The following GARS1 variants were observed in gnomAD, a reference collection of about 807,000 sequenced individuals.
GARS1 encodes the protein glycine--tRNA ligase.
GARS1 carries 46 observed loss-of-function variants against 86.4 expected under a neutral mutation model. The observed-to-expected ratio is 0.53, with a 90% CI of 0.42 to 0.68. The LOEUF (loss-of-function observed/expected upper bound fraction) is 0.68. GARS1 is among the 30% of genes least tolerant of loss of function. The pLI, the probability that GARS1 is intolerant of heterozygous loss-of-function variation, is 0.00. For synonymous variants in GARS1, 342 were observed against 329.8 expected, an observed-to-expected ratio of 1.04 and a Z score of -0.40; for missense variants, 797 against 915.6, an observed-to-expected ratio of 0.87 and a Z score of 1.67.
chr7:30,612,346 T>A lies in GARS1; in HGVS notation c.1031+101T>A, dbSNP rs1486111688. On this transcript the variant is annotated intron_variant, in intron 8 of 16. Transcript: ENST00000389266. ...AGCAATTCTGCTTCATAATCCTGAT[T>A]ATGAATTTATTTTTGTTTTCTCCAA... is the stretch of plus-strand genomic sequence containing the variant. 2.7e-6 allele frequency: 3 copies of A among 1,107,098 alleles called. No individual in the cohort carries two copies. The East Asian group carries it at 7.1e-5, about 26-fold the overall frequency. The allele number at this position is 1,107,098 out of a possible 1,614,324, so 68.6% of individuals were successfully genotyped here.
chr7:30,628,779 A>G lies in GARS1; in HGVS notation c.1809+110A>G, dbSNP rs372181159. 2.3e-4 allele frequency: 157 copies of G among 686,454 alleles called. 1 individual carries two copies. In the East Asian group the frequency reaches 3.4e-3, roughly 15 times the overall value. 42.5% of individuals were successfully genotyped at this position (686,454 alleles called of 1,614,324 possible). ...CTAGAATGGTCAATTAGTTATTACT[A>G]TAATCTAGTGCTATTAACACTCATC... On this transcript the variant is annotated intron_variant, in intron 14 of 16. Transcript: ENST00000389266.
intron 9 of GARS1, among the ~76,000 whole-genome samples, chr7:30,616,620 A>T (rs941623306): frequency 1.3e-5 from 2 of 152,156 alleles, no homozygotes; most frequent in Non-Finnish European, 2.9e-5. Flanking sequence ...TGCAGAGAAG[A>T]CCTCTGCAGT....
chr7:30,631,423 A>AT (rs1256396905), intron 14 of GARS1, 25 bp from the exon 15 acceptor site: 11 of 1,564,254 alleles, frequency 7.0e-6, no homozygotes, highest in Non-Finnish European at 9.7e-6. Context: ...ACATATTTGG[A>AT]TTTTTTTCTT....
intron 14 of GARS1, 95 bp downstream of exon 14, chr7:30,628,764 C>T: frequency 1.3e-6 from 1 of 762,232 alleles, no homozygotes; most frequent in African/African-American, 1.7e-5. Context: ...CTAGAATGGT[C>T]AATTAGTTAT....
intron 1 of GARS1, among the ~76,000 whole-genome samples, chr7:30,595,463 G>T (rs1182456803): frequency 6.6e-6 from 1 of 152,136 alleles, no homozygotes; most frequent in African/African-American, 2.4e-5. Context: ...TTCCAGTGGG[G>T]CTGGGATCTG....
rs551580608 is a variant in GARS1 at position 30,633,843 on chromosome 7, G to C, written c.2203G>C (p.Glu735Gln). The C allele has an allele frequency of 6.5e-7, 1 of 1,544,088 alleles. No homozygotes were observed. The highest frequency in any genetic ancestry group is 1.4e-5 in the African/African-American group (1 of 72,180). Residue 735 changes from glutamate (E) to glutamine (Q), a missense_variant, in exon 17 of 17, where the codon GAG (glutamate) becomes CAG (glutamine). By Grantham distance (29) the Glu-to-Gln change is conservative (BLOSUM62 2). Around this residue, in one of 2 missense-constraint regions of GARS1, gnomAD observed 598 missense variants for 738.7 expected, o/e 0.81. Coordinates refer to ENST00000389266, the MANE Select transcript of GARS1 (RefSeq NM_002047.4). ...LFEGQETGKK[E>Q]TIEE ...TGAAGGGCAAGAGACTGGTAAAAAA[G>C]AGACAATCGAGGAATGAGGACAATT...
Position 30,633,906 on chromosome 7 carries a change from A to C in GARS1, c.*46A>C, listed in dbSNP as rs755138620. On this transcript the variant is annotated 3_prime_UTR_variant, in exon 17 of 17. Coordinates refer to ENST00000389266, the MANE Select transcript of GARS1 (RefSeq NM_002047.4). The stretch of plus-strand genomic sequence containing the variant: ...GACCACTTGCGCTAATAAAAAAAAA[A>C]AAAAACTACTCTTATGTCCACTTTA... 1.1e-4 allele frequency: 174 copies of C among 1,599,974 alleles called. No homozygotes were observed. The highest frequency in any genetic ancestry group is 1.5e-4 in the Non-Finnish European group (172 of 1,172,402).
At chr7:30,595,718 G>A (rs1281627489) in intron 1 of GARS1, 1 of 469,748 alleles carries the variant, frequency 2.1e-6, no homozygotes. Flanking sequence ...ATGATTGGCT[G>A]AGAAAATAGA....
intron 8 of GARS1, among the ~76,000 whole-genome samples, chr7:30,615,464 C>A (rs1161982588): frequency 1.3e-5 from 2 of 152,054 alleles, no homozygotes; most frequent in Non-Finnish European, 2.9e-5. Context: ...GTGATTTTTG[C>A]GTATGTTTTC....
In GARS1 at chr7:30,609,740, A is replaced by C. The variant is rs1228154869; in HGVS notation, c.881+10A>C. ...GAGGAAACATGCCTGGGTATGTATCACTTATTGTTTACCTGTTTATGTAAT... is the reference window on the plus strand; with the variant it reads ...GAGGAAACATGCCTGGGTATGTATCCCTTATTGTTTACCTGTTTATGTAAT... On this transcript the variant is annotated intron_variant, in intron 7 of 16. Coordinates refer to ENST00000389266, the MANE Select transcript of GARS1 (RefSeq NM_002047.4). The C allele has an allele frequency of 6.2e-7, 1 of 1,612,846 alleles. No homozygotes were observed. Among genetic ancestry groups the C allele is most frequent in the Non-Finnish European group, 8.5e-7 (1 of 1,179,004 alleles).
chr7:30,632,278 C>T lies in GARS1; in HGVS notation c.1935C>T (p.His645=). ...CCCTGACCAGGCATGGAGTATCTCA[C>T]AAAGTAGACGATTCCTCTGGGTCAA... ...SEALTRHGVS[H]KVDDSSGSIG... is the part of the protein sequence containing the mutation. Residue 645 remains histidine, a synonymous_variant, in exon 16 of 17, where the codon CAC becomes CAT. Coordinates refer to ENST00000389266, the MANE Select transcript of GARS1 (RefSeq NM_002047.4). This position sits in a 1 kb window ranked among gnomAD's most constrained non-coding sequence, Gnocchi z 4.1. 6.2e-7 allele frequency: 1 copy of T among 1,614,152 alleles called. No homozygotes were observed. Among genetic ancestry groups the T allele is most frequent in the Non-Finnish European group, 8.5e-7 (1 of 1,180,038 alleles).
In GARS1 at chr7:30,601,066, TG is replaced by T; in HGVS notation, c.437del (p.Gly146ValfsTer12). On this transcript the variant is annotated frameshift_variant, in exon 4 of 17. Transcript: ENST00000389266. LOFTEE classifies it high-confidence loss of function. Reference protein sequence around the residue: ...QAFAIYGGVSGLYDFGPVGCA... With the variant: ...QAFAIYGGVSXLYDFGPVGCA... Reference sequence around the variant, plus strand: ...TCCTCTCATATTCTATAGGTGTTAGTGGTCTGTATGACTTTGGGCCAGTTGG... The same window carrying T: ...TCCTCTCATATTCTATAGGTGTTAGTGTCTGTATGACTTTGGGCCAGTTGG... 6.2e-7 allele frequency: 1 copy of T among 1,614,014 alleles called. No homozygotes were observed.
intron 2 of GARS1, among the ~76,000 whole-genome samples, chr7:30,599,655 G>A (rs147169899): frequency 8.5e-5 from 13 of 152,150 alleles, no homozygotes; most frequent in African/African-American, 2.2e-4. Flanking sequence ...CACCCACTTC[G>A]GCCTCCCAAA....
chr7:30,628,915 A>G (rs1420679122), intron 14 of GARS1, among the ~76,000 whole-genome samples: 2 of 152,186 alleles, frequency 1.3e-5, no homozygotes, highest in Non-Finnish European at 2.9e-5. Flanking sequence ...TCTTAGACTG[A>G]ACCTATTACT....
intron 14 of GARS1, among the ~76,000 whole-genome samples, 195 bp downstream of exon 14, chr7:30,628,864 T>C (rs1783182992): frequency 6.6e-6 from 1 of 152,250 alleles, no homozygotes; most frequent in South Asian, 2.1e-4. Flanking sequence ...AGCTTTAGGT[T>C]ATTCTAGAAG....
At chr7:30,627,078 A>G (rs1783143993) in intron 13 of GARS1, 1 of 467,156 alleles carries the variant, frequency 2.1e-6, no homozygotes, top group Admixed American at 2.4e-5. Flanking sequence ...TGAATTAGGC[A>G]ATGAGTAATT....
intron 6 of GARS1, among the ~76,000 whole-genome samples, chr7:30,605,532 G>A (rs1248100492): frequency 1.3e-5 from 2 of 151,932 alleles, no homozygotes; most frequent in Admixed American, 6.6e-5. Context: ...TGTGTGGTAG[G>A]GTGGGGACAG....
intron 12 of GARS1, among the ~76,000 whole-genome samples, chr7:30,625,804 A>G (rs1783117238): frequency 6.6e-6 from 1 of 152,250 alleles, no homozygotes; most frequent in Non-Finnish European, 1.5e-5. Context: ...TTGTAAAATT[A>G]CTTCTGTAAG....
At position 30,601,055 on chromosome 7, in the gene GARS1, A is replaced by G. The variant is rs765081631; in HGVS notation, c.428-4A>G. The stretch of plus-strand genomic sequence containing the variant: ...AGTATGTGTTTTCCTCTCATATTCT[A>G]TAGGTGTTAGTGGTCTGTATGACTT... On this transcript the variant is annotated splice_polypyrimidine_tract_variant and splice_region_variant and intron_variant, in intron 3 of 16. Transcript: ENST00000389266. The G allele has an allele frequency of 1.9e-6, 3 of 1,613,708 alleles. No individual in the cohort carries two copies. Among genetic ancestry groups the G allele is most frequent in the Non-Finnish European group, 2.5e-6 (3 of 1,179,682 alleles).
Sources: allele counts gnomAD v4.1 joint callset (sites outside exome capture counted in the v4.1 genomes callset), GRCh38; gene constraint gnomAD v4.1.1; regional missense constraint gnomAD v4.1.1; non-coding constraint Gnocchi (gnomAD v3.1); transcripts MANE v1.5; gene names NCBI Gene and HGNC (gene_info 2026-07-23, HGNC 2026-07-21).